COX16: variants seen among roughly 807,000 people sequenced by gnomAD.
COX16 encodes cytochrome c oxidase assembly protein COX16 homolog, mitochondrial.
Under a neutral mutation model 15.4 loss-of-function variants are expected in COX16, and 12 were observed. The observed-to-expected ratio is 0.78, with a 90% CI of 0.50 to 1.26. The LOEUF is 1.26. Among genes scored for constraint, COX16 ranks in the 50% most tolerant of loss-of-function variants. The probability of loss-of-function intolerance (pLI) is 0.00; values close to 1 mark genes in which losing one functional copy is unlikely to be tolerated. For synonymous variants in COX16, 46 were observed against 41.1 expected, an observed-to-expected ratio of 1.12 and a Z score of -0.46; for missense variants, 124 against 127.6, an observed-to-expected ratio of 0.97 and a Z score of 0.14.
intron 3 of COX16, among the ~76,000 whole-genome samples, chr14:70,328,783 T>G (rs916548352): frequency 1.3e-5 from 2 of 152,142 alleles, no homozygotes; most frequent in Admixed American, 1.3e-4. Flanking sequence ...GGATTTCTCA[T>G]GTAATCTGTG....
intron 1 of COX16, among the ~76,000 whole-genome samples, chr14:70,346,156 G>C (rs573686722): frequency 1.3e-5 from 2 of 151,954 alleles, no homozygotes; most frequent in Non-Finnish European, 2.9e-5. Context: ...TTAAACCTTC[G>C]GTTCATCTCC....
At chr14:70,346,095 C>G (rs945488808) in intron 1 of COX16, among the ~76,000 whole-genome samples, 9 of 152,160 alleles carry the variant, frequency 5.9e-5, no homozygotes, top group African/African-American at 2.2e-4. Context: ...CTATCCTCCA[C>G]TGCCTGTTAA....
chr14:70,348,126 A>G (rs1452677534), intron 1 of COX16, among the ~76,000 whole-genome samples: 4 of 152,154 alleles, frequency 2.6e-5, no homozygotes, highest in African/African-American at 9.7e-5. Context: ...CTCTCCAAAC[A>G]GCTTGAAGCC....
At chr14:70,328,097 T>TTTTTTTTTTTTTTA in intron 3 of COX16, 1 of 116,036 alleles carries the variant, frequency 8.6e-6, no homozygotes, top group Non-Finnish European at 1.9e-5. Flanking sequence ...TTTTTTTTTT[T>TTTTTTTTTTTTTTA]GAGACGGAGT....
intron 2 of COX16, among the ~76,000 whole-genome samples, chr14:70,330,921 A>G (rs1474412325): frequency 6.6e-6 from 1 of 152,226 alleles, no homozygotes; most frequent in Non-Finnish European, 1.5e-5. Context: ...CAAAACTTAT[A>G]GTAATTCACA....
At chr14:70,329,348 A>G (rs1886203870) in intron 2 of COX16, 112 bp from the exon 3 acceptor site, 6 of 897,600 alleles carry the variant, frequency 6.7e-6, no homozygotes, top group East Asian at 2.8e-5. Context: ...ATACAAACAC[A>G]TGGCAAAATC....
At chr14:70,343,999 T>C (rs1594919150) in intron 1 of COX16, among the ~76,000 whole-genome samples, 1 of 152,236 alleles carries the variant, frequency 6.6e-6, no homozygotes, top group East Asian at 1.9e-4. Context: ...TGCTGATTGG[T>C]CAGTTTGGAG....
intron 3 of COX16, chr14:70,328,185 A>T (rs1239861433): frequency 6.7e-6 from 1 of 149,944 alleles, no homozygotes; most frequent in Non-Finnish European, 1.5e-5. Flanking sequence ...GCTTAAAGCC[A>T]AGCCTTGACA....
At chr14:70,350,403 T>C (rs796983631) in intron 1 of COX16, among the ~76,000 whole-genome samples, 9 of 152,230 alleles carry the variant, frequency 5.9e-5, no homozygotes, top group African/African-American at 2.2e-4. Context: ...CAGGCGCTCA[T>C]TAAAACAGCA....
chr14:70,330,024 GGA>G (rs1358342683), intron 2 of COX16, among the ~76,000 whole-genome samples: 1 of 151,946 alleles, frequency 6.6e-6, no homozygotes, highest in Non-Finnish European at 1.5e-5. Context: ...TAAAGGGGAG[GGA>G]GAGCAATAAT....
At chr14:70,351,153 T>C (rs1332167855) in intron 1 of COX16, among the ~76,000 whole-genome samples, 1 of 152,236 alleles carries the variant, frequency 6.6e-6, no homozygotes, top group Non-Finnish European at 1.5e-5. Context: ...GTACAATTTC[T>C]ATCTTATTTA....
intron 1 of COX16, 101 bp from the exon 2 acceptor site, chr14:70,342,830 T>C: frequency 5.6e-6 from 7 of 1,246,552 alleles, no homozygotes; most frequent in Non-Finnish European, 7.9e-6. Context: ...AGGCACATTA[T>C]ACAAAAATTC....
intron 1 of COX16, among the ~76,000 whole-genome samples, chr14:70,354,401 A>G (rs985518168): frequency 4.6e-5 from 7 of 152,196 alleles, no homozygotes; most frequent in Non-Finnish European, 1.0e-4. Context: ...GAGCTATGTG[A>G]TATCAACCCA....
At chr14:70,338,008 A>T (rs554056631) in intron 2 of COX16, among the ~76,000 whole-genome samples, 2 of 152,376 alleles carry the variant, frequency 1.3e-5, no homozygotes, top group South Asian at 4.1e-4. Flanking sequence ...CCATAAAGAA[A>T]ACTCGGCAAA....
intron 2 of COX16, 34 bp downstream of exon 2, chr14:70,342,624 C>T (rs1229045540): frequency 1.2e-6 from 2 of 1,600,226 alleles, no homozygotes; most frequent in South Asian, 1.1e-5. Context: ...TACATATAGA[C>T]AGACACATGT....
In COX16 at chr14:70,353,828, T is replaced by C. The variant is rs112476045; in HGVS notation, c.69+5691A>G. Among the ~76,000 whole-genome samples the C allele has an allele frequency of 5.7e-3, 866 of 152,168 alleles. 7 individuals carry two copies. Among genetic ancestry groups the C allele is most frequent in the African/African-American group, 0.02 (828 of 41,542 alleles). ...GCGCCCGGCCCCTACCTTCCTTTTT[T>C]TTATAAATATATTTATATACCAATT... On this transcript the variant is annotated intron_variant, in intron 1 of 3. Transcript: ENST00000389912.
chr14:70,357,663 G>A (rs185632267), intron 1 of COX16, among the ~76,000 whole-genome samples: 35 of 152,262 alleles, frequency 2.3e-4, no homozygotes, highest in Admixed American at 5.2e-4. Context: ...ATAATAAGTC[G>A]TTAGGGAAAT....
At chr14:70,349,207 A>C (rs765722281) in intron 1 of COX16, among the ~76,000 whole-genome samples, 2 of 152,120 alleles carry the variant, frequency 1.3e-5, no homozygotes, top group Admixed American at 6.5e-5. Context: ...GTCCTGCTCT[A>C]TCTGCCACTC....
intron 1 of COX16, among the ~76,000 whole-genome samples, chr14:70,357,862 A>G (rs1172714658): frequency 2.6e-5 from 4 of 152,246 alleles, no homozygotes; most frequent in African/African-American, 7.2e-5. Flanking sequence ...AAGAGTTACC[A>G]TATGACCTAG....
Sources: allele counts gnomAD v4.1 joint callset (sites outside exome capture counted in the v4.1 genomes callset), GRCh38; gene constraint gnomAD v4.1.1; transcripts MANE v1.5; gene names NCBI Gene and HGNC (gene_info 2026-07-23, HGNC 2026-07-21).